Variants in ZFHX3 observed in about 807,000 individuals in gnomAD.
ZFHX3 encodes zinc finger homeobox 3, also known as zinc finger homeobox protein 3.
A neutral mutation model predicts 279.1 loss-of-function variants in ZFHX3; 42 were observed. That is an observed-to-expected ratio of 0.15 (90% CI 0.12 to 0.19). The LOEUF is 0.19. Ranked by LOEUF, ZFHX3 falls within the 10% of genes least tolerant of loss-of-function variation. The pLI is 1.00. For missense variants in ZFHX3, 4,981 were observed against 4,754.0 expected (o/e 1.05, Z -1.40); for synonymous variants, 2,293 against 1,957.8 (o/e 1.17, Z -4.52).
chr16:73,082,904 C>A (rs907972831), intron 8 of ZFHX3, among the ~76,000 whole-genome samples: 14 of 151,968 alleles, frequency 9.2e-5, no homozygotes, highest in Admixed American at 1.3e-4. Flanking sequence ...CAAAACCTGG[C>A]CAGGCGCAGT....
chr16:73,216,056 T>C (rs540486580), intron 5 of ZFHX3, among the ~76,000 whole-genome samples: 1 of 152,328 alleles, frequency 6.6e-6, no homozygotes, highest in East Asian at 1.9e-4. Flanking sequence ...CATCTTGCAA[T>C]GTGGAGTCAA....
chr16:73,453,354 C>T (rs937723141), intron 3 of ZFHX3, among the ~76,000 whole-genome samples: 2 of 152,068 alleles, frequency 1.3e-5, no homozygotes, highest in African/African-American at 4.8e-5. Context: ...GGTGACTGTG[C>T]CAGTTTGGGC....
chr16:72,911,209 GC>G (rs1384603641), intron 3 of ZFHX3, among the ~76,000 whole-genome samples: 1 of 152,234 alleles, frequency 6.6e-6, no homozygotes, highest in Non-Finnish European at 1.5e-5. Context: ...AGGGAAGCCA[GC>G]TTAATTCTGC....
chr16:72,990,937 G>A (rs1397880960), intron 1 of ZFHX3, among the ~76,000 whole-genome samples: 4 of 151,694 alleles, frequency 2.6e-5, no homozygotes, highest in Non-Finnish European at 5.9e-5. Flanking sequence ...CCAAGATCGC[G>A]TCACTGCACT....
At chr16:73,025,649 T>C (rs369002646) in intron 1 of ZFHX3, among the ~76,000 whole-genome samples, 63 of 152,248 alleles carry the variant, frequency 4.1e-4, no homozygotes, top group African/African-American at 1.4e-3. Flanking sequence ...GCTGCAGGTC[T>C]GGCATCTGGC....
chr16:73,489,094 C>G (rs1423748985), intron 2 of ZFHX3, among the ~76,000 whole-genome samples: 1 of 152,122 alleles, frequency 6.6e-6, no homozygotes, highest in African/African-American at 2.4e-5. Flanking sequence ...TTTGGATTAT[C>G]AAGAAAAATT....
chr16:73,018,404 G>A (rs1356102377), intron 1 of ZFHX3, among the ~76,000 whole-genome samples: 7 of 152,046 alleles, frequency 4.6e-5, no homozygotes, highest in Admixed American at 2.6e-4. Flanking sequence ...TCAAGAGATC[G>A]AGACCATCCT....
chr16:73,805,031 G>A (rs979931332), intron 1 of ZFHX3, among the ~76,000 whole-genome samples: 54 of 151,694 alleles, frequency 3.6e-4, no homozygotes, highest in East Asian at 3.3e-3. Context: ...ATTCTTAAGC[G>A]AGTATACTTA....
chr16:73,355,111 G>A (rs943793921), intron 3 of ZFHX3, among the ~76,000 whole-genome samples: 1 of 152,144 alleles, frequency 6.6e-6, no homozygotes, highest in Non-Finnish European at 1.5e-5. Context: ...GGGGATACGT[G>A]TTCCATTAGG....
rs535610416 is a variant in ZFHX3 at position 73,148,102 on chromosome 16, A to G, written c.-1103-4271T>C. Among the ~76,000 whole-genome samples, 6 of 152,322 alleles carry G rather than the reference A, an allele frequency of 3.9e-5. No homozygotes were observed. In the East Asian group the frequency reaches 7.7e-4, roughly 20 times the overall value. ...GGCCCACTATTGTAAATAAAGTTTT[A>G]TTGGAACGCAGCCACACTCATTCAT... On this transcript the variant is annotated intron_variant, in intron 5 of 17. Coordinates refer to the ZFHX3 transcript ENST00000641206.
At chr16:73,821,004 CTT>C (rs1960723219) in intron 1 of ZFHX3, among the ~76,000 whole-genome samples, 1 of 152,076 alleles carries the variant, frequency 6.6e-6, no homozygotes, top group African/African-American at 2.4e-5. Context: ...TATTATCCCC[CTT>C]GACAAATGAT....
At chr16:73,008,847 ATC>A (rs1966867591) in intron 1 of ZFHX3, among the ~76,000 whole-genome samples, 1 of 152,108 alleles carries the variant, frequency 6.6e-6, no homozygotes, top group Non-Finnish European at 1.5e-5. Flanking sequence ...AAAAACAATA[ATC>A]TCTAATTCTG....
intron 1 of ZFHX3, among the ~76,000 whole-genome samples, chr16:73,834,613 C>G (rs935589271): frequency 5.9e-5 from 9 of 152,236 alleles, no homozygotes; most frequent in Non-Finnish European, 1.3e-4. Flanking sequence ...GAAGTGTCAG[C>G]TGGGCGTGGT....
intron 3 of ZFHX3, among the ~76,000 whole-genome samples, chr16:73,386,329 G>A (rs1182811635): frequency 6.6e-6 from 1 of 152,052 alleles, no homozygotes; most frequent in Non-Finnish European, 1.5e-5. Context: ...TAACCAGATA[G>A]ATCTGGATTT....
chr16:73,492,025 T>G (rs1406736189), intron 2 of ZFHX3, among the ~76,000 whole-genome samples: 1 of 152,228 alleles, frequency 6.6e-6, no homozygotes, highest in Non-Finnish European at 1.5e-5. Context: ...TCTTGCTTCC[T>G]TGGTCCCTTC....
intron 2 of ZFHX3, among the ~76,000 whole-genome samples, chr16:72,951,409 C>T (rs1033865087): frequency 1.3e-5 from 2 of 152,094 alleles, no homozygotes; most frequent in African/African-American, 2.4e-5. Flanking sequence ...TACAGGCACC[C>T]ACCACCACGG....
intron 5 of ZFHX3, among the ~76,000 whole-genome samples, chr16:73,149,240 T>A (rs1447659446): frequency 1.5e-5 from 2 of 132,200 alleles, no homozygotes; most frequent in Non-Finnish European, 3.2e-5. Flanking sequence ...GTCATTACTA[T>A]ATTTTATATT....
intron 2 of ZFHX3, among the ~76,000 whole-genome samples, chr16:73,497,059 G>A (rs369572212): frequency 2.2e-4 from 33 of 152,156 alleles, no homozygotes; most frequent in Admixed American, 4.6e-4. Context: ...CTCCTCCCCC[G>A]CCACACCACA....
intron 1 of ZFHX3, among the ~76,000 whole-genome samples, chr16:73,039,089 C>T (rs1275540125): frequency 1.3e-5 from 2 of 149,668 alleles, no homozygotes; most frequent in Admixed American, 6.7e-5. Flanking sequence ...GCTGGGACTA[C>T]AGGCACATGC....
Sources: allele counts gnomAD v4.1 joint callset (sites outside exome capture counted in the v4.1 genomes callset), GRCh38; gene constraint gnomAD v4.1.1; transcripts MANE v1.5; gene names NCBI Gene and HGNC (gene_info 2026-07-23, HGNC 2026-07-21).